ROBO2: variants seen among roughly 807,000 people sequenced by gnomAD.
The protein encoded by ROBO2 is roundabout homolog 2.
ROBO2 carries 53 observed loss-of-function variants against 160.8 expected under a neutral mutation model. The ratio of observed to expected loss-of-function variants is 0.33; its 90% CI spans 0.26 to 0.41. The LOEUF is 0.41. Ranked by LOEUF, ROBO2 falls within the 10% of genes least tolerant of loss-of-function variation. The pLI is 1.00. For synonymous variants in ROBO2, 664 were observed against 611.7 expected (o/e 1.09, Z -1.26); for missense variants, 1,577 against 1,722.4 (o/e 0.92, Z 1.49).
intron 2 of ROBO2, among the ~76,000 whole-genome samples, chr3:76,191,127 A>G (rs1701985638): frequency 6.6e-6 from 1 of 152,160 alleles, no homozygotes. Context: ...ACTACAGAGC[A>G]AGGAGAATCT....
At chr3:76,060,513 G>A (rs1204735171) in intron 2 of ROBO2, among the ~76,000 whole-genome samples, 1 of 152,264 alleles carries the variant, frequency 6.6e-6, no homozygotes, top group East Asian at 1.9e-4. Context: ...CAGATCTTTT[G>A]TCTTCCGGGA....
intron 1 of ROBO2, among the ~76,000 whole-genome samples, chr3:75,936,494 C>T (rs1947786477): frequency 6.6e-6 from 1 of 152,074 alleles, no homozygotes; most frequent in South Asian, 2.1e-4. Flanking sequence ...CTTGTAATTT[C>T]CTAACTTTGG....
At chr3:76,230,703 C>CCTTCCTTTTT (rs11282176) in intron 2 of ROBO2, among the ~76,000 whole-genome samples, 2 of 151,782 alleles carry the variant, frequency 1.3e-5, no homozygotes, top group Non-Finnish European at 2.9e-5. Flanking sequence ...CCAACCCTCT[C>CCTTCCTTTTT]CTTCTCACAC....
intron 2 of ROBO2, among the ~76,000 whole-genome samples, chr3:76,592,330 A>C (rs2108838605): frequency 6.6e-6 from 1 of 152,238 alleles, no homozygotes; most frequent in Non-Finnish European, 1.5e-5. Flanking sequence ...ACATTTCTAA[A>C]GAGAGCAACC....
intron 2 of ROBO2, among the ~76,000 whole-genome samples, chr3:76,357,449 A>C (rs1342245868): frequency 6.6e-6 from 1 of 151,996 alleles, no homozygotes; most frequent in Non-Finnish European, 1.5e-5. Flanking sequence ...CAAAAAAGTA[A>C]ATACTGTATC....
At chr3:77,033,132 A>C (rs578193838) in intron 2 of ROBO2, among the ~76,000 whole-genome samples, 1 of 152,320 alleles carries the variant, frequency 6.6e-6, no homozygotes, top group South Asian at 2.1e-4. Flanking sequence ...GTAATTGTCA[A>C]CATCGCACTG....
At chr3:76,049,403 A>ATATATATATATATATATTTTTTTTTTTT (rs1414664360) in intron 2 of ROBO2, among the ~76,000 whole-genome samples, 1 of 53,762 alleles carries the variant, frequency 1.9e-5, no homozygotes, top group African/African-American at 1.5e-4. Flanking sequence ...ATATATATAT[A>ATATATATATATATATATTTTTTTTTTTT]TTTTTTTTTT....
At chr3:76,997,397 A>G (rs2061078918) in intron 2 of ROBO2, among the ~76,000 whole-genome samples, 1 of 152,136 alleles carries the variant, frequency 6.6e-6, no homozygotes, top group African/African-American at 2.4e-5. Context: ...GAACAGTATA[A>G]TATGTGAAGT....
chr3:77,345,220 CAGG>C (rs2067501462), intron 2 of ROBO2, among the ~76,000 whole-genome samples: 1 of 152,136 alleles, frequency 6.6e-6, no homozygotes, highest in African/African-American at 2.4e-5. Context: ...TGGTTGGTGG[CAGG>C]AGGCCTTAGC....
At chr3:76,340,139 TAAG>T (rs1374110931) in intron 2 of ROBO2, among the ~76,000 whole-genome samples, 29 of 150,008 alleles carry the variant, frequency 1.9e-4, no homozygotes, top group Admixed American at 1.2e-3. Context: ...AATTACGTAA[TAAG>T]AAGCTAGTTA....
chr3:76,964,968 G>T (rs2079962139), intron 2 of ROBO2, among the ~76,000 whole-genome samples: 1 of 152,196 alleles, frequency 6.6e-6, no homozygotes, highest in African/African-American at 2.4e-5. Context: ...GTATGAGGAT[G>T]CCACATCTAA....
intron 2 of ROBO2, among the ~76,000 whole-genome samples, chr3:75,983,185 T>C (rs1188365950): frequency 1.3e-5 from 2 of 151,494 alleles, no homozygotes; most frequent in African/African-American, 4.8e-5. Context: ...AAAAGTGCAA[T>C]GTTTTACTTC....
chr3:76,885,180 G>C (rs2073755445), intron 2 of ROBO2, among the ~76,000 whole-genome samples: 1 of 152,146 alleles, frequency 6.6e-6, no homozygotes, highest in Admixed American at 6.5e-5. Flanking sequence ...ATATGTAACA[G>C]TGTTCCTAGA....
At chr3:77,000,521 A>C (rs1246651037) in intron 2 of ROBO2, among the ~76,000 whole-genome samples, 1 of 152,074 alleles carries the variant, frequency 6.6e-6, no homozygotes, top group East Asian at 1.9e-4. Context: ...AACTTTCTCA[A>C]TATTTATGTT....
intron 2 of ROBO2, among the ~76,000 whole-genome samples, chr3:76,380,142 C>T (rs1289435157): frequency 6.6e-6 from 1 of 151,776 alleles, no homozygotes; most frequent in Non-Finnish European, 1.5e-5. Context: ...AATCTAACAC[C>T]TGTGTGCTTT....
At chr3:77,592,103 T>C (rs1219199747) in intron 17 of ROBO2, among the ~76,000 whole-genome samples, 1 of 152,176 alleles carries the variant, frequency 6.6e-6, no homozygotes, top group Non-Finnish European at 1.5e-5. Context: ...TCCCTGTTTT[T>C]CCCTTGCTTT....
chr3:77,560,537 C>T (rs1458909640), intron 9 of ROBO2, among the ~76,000 whole-genome samples: 1 of 151,992 alleles, frequency 6.6e-6, no homozygotes, highest in Non-Finnish European at 1.5e-5. Flanking sequence ...CAATAGTTCA[C>T]TCATACAGTC....
intron 19 of ROBO2, among the ~76,000 whole-genome samples, chr3:77,601,345 T>A (rs78340310): frequency 0.018 from 2,730 of 152,270 alleles, 78 homozygotes; most frequent in African/African-American, 0.063. Context: ...ATTTAGTGAT[T>A]TCTATTTTAG....
At chr3:77,169,978 A>C (rs1233307466) in intron 2 of ROBO2, among the ~76,000 whole-genome samples, 1 of 152,154 alleles carries the variant, frequency 6.6e-6, no homozygotes, top group Non-Finnish European at 1.5e-5. Context: ...ACTCTGGTCC[A>C]TAAATAGAGC....
Sources: gnomAD v4.1 joint callset for allele counts (sites outside exome capture counted in the v4.1 genomes callset) on GRCh38, gnomAD v4.1.1 for gene constraint, MANE v1.5 for transcripts, NCBI Gene and HGNC (gene_info 2026-07-23, HGNC 2026-07-21) for gene names.